TEX26: variants seen among roughly 807,000 people sequenced by gnomAD.
TEX26 encodes the protein testis-expressed protein 26.
TEX26 carries 34 observed loss-of-function variants against 35.3 expected under a neutral mutation model. That is an observed-to-expected ratio of 0.96 (90% confidence interval 0.73 to 1.28). The LOEUF is 1.28. TEX26 is among the 50% of genes most tolerant of loss of function. The probability of loss-of-function intolerance (pLI) is 0.00; values close to 1 mark genes in which losing one functional copy is unlikely to be tolerated. For synonymous variants in TEX26, 136 were observed against 111.8 expected (o/e 1.22, Z -1.36); for missense variants, 371 against 330.1 (o/e 1.12, Z -0.96).
intron 1 of TEX26, among the ~76,000 whole-genome samples, chr13:30,938,768 T>G (rs1953366850): frequency 6.6e-6 from 1 of 152,208 alleles, no homozygotes; most frequent in South Asian, 2.1e-4. Flanking sequence ...TTTTTTTGAC[T>G]TTCAGGATGC....
intron 2 of TEX26, among the ~76,000 whole-genome samples, chr13:30,941,520 G>T (rs920140690): frequency 6.6e-6 from 1 of 152,072 alleles, no homozygotes; most frequent in East Asian, 1.9e-4. Flanking sequence ...TAGCTTTTGC[G>T]GTACAGGTGG....
Position 30,932,744 on chromosome 13 carries a change from AT to A in TEX26, c.30del (p.Ser12LeufsTer22). 6.2e-7 allele frequency: 1 copy of A among 1,613,800 alleles called. No individual in the cohort carries two copies. Among genetic ancestry groups the A allele is most frequent in the Non-Finnish European group, 8.5e-7 (1 of 1,179,984 alleles). ...GAACAGCCTGGGCCCAGGGCTCCGGATCCCTCTCTCTGCCACCACAACCTCC... is the reference window on the plus strand; with the variant it reads ...GAACAGCCTGGGCCCAGGGCTCCGGACCCTCTCTCTGCCACCACAACCTCC... MEQPGPRAP[D>X]PSLCHHNLQP... On this transcript the variant is annotated frameshift_variant, in exon 1 of 7. Transcript: ENST00000380473. LOFTEE classifies it high-confidence loss of function.
chr13:30,949,559 A>G (rs572220546), intron 2 of TEX26, among the ~76,000 whole-genome samples: 1 of 152,218 alleles, frequency 6.6e-6, no homozygotes, highest in South Asian at 2.1e-4. Flanking sequence ...AAGACTATTA[A>G]AAGTAGACAA....
chr13:30,967,490 C>T (rs1954579685), intron 5 of TEX26, among the ~76,000 whole-genome samples: 1 of 152,180 alleles, frequency 6.6e-6, no homozygotes, highest in African/African-American at 2.4e-5. Flanking sequence ...CACTTCTTCC[C>T]ATGGATGTTA....
At chr13:30,939,384 C>G (rs1720660549) in intron 1 of TEX26, among the ~76,000 whole-genome samples, 1 of 152,172 alleles carries the variant, frequency 6.6e-6, no homozygotes, top group South Asian at 2.1e-4. Flanking sequence ...TAGTAGGTCT[C>G]TTAAAATGAT....
chr13:30,947,706 G>A (rs945225758), intron 2 of TEX26, among the ~76,000 whole-genome samples: 7 of 152,030 alleles, frequency 4.6e-5, no homozygotes, highest in South Asian at 2.1e-4. Context: ...TTGGAAAATC[G>A]AAACACTAAT....
intron 6 of TEX26, among the ~76,000 whole-genome samples, chr13:30,974,256 C>G (rs1340632945): frequency 6.6e-6 from 1 of 150,450 alleles, no homozygotes; most frequent in African/African-American, 2.5e-5. Flanking sequence ...AAGGGCCTTC[C>G]CAAGGTCAAA....
In TEX26 at chr13:30,966,241, T is replaced by G. The variant is rs1474914867; in HGVS notation, c.489T>G (p.Ser163Arg). The G allele has an allele frequency of 1.2e-6, 2 of 1,613,766 alleles. No individual in the cohort carries two copies. The highest frequency in any genetic ancestry group is 2.7e-5 in the African/African-American group (2 of 74,834). Residue 163 changes from serine (S) to arginine (R), a missense_variant, in exon 5 of 7, where the codon AGT becomes AGG. Physicochemically the swap from Ser to Arg is moderately radical, Grantham distance 110. Coordinates refer to ENST00000380473, the MANE Select transcript of TEX26 (RefSeq NM_152325.3). ...CCCCAGCTCAGAAGATTAAGAAAAG[T>G]TCTCACTTGTCTCTGGAATGGAAAA... ...DRSKAQKIKK[S>R]SHLSLEWKKL...
intron 4 of TEX26, among the ~76,000 whole-genome samples, chr13:30,959,264 C>T (rs201292841): frequency 2.1e-4 from 32 of 152,262 alleles, no homozygotes; most frequent in African/African-American, 6.7e-4. Context: ...TGACCTACCC[C>T]GCCCCATCCC....
At chr13:30,957,609 T>C (rs1593583446) in intron 4 of TEX26, among the ~76,000 whole-genome samples, 2 of 151,972 alleles carry the variant, frequency 1.3e-5, no homozygotes, top group South Asian at 4.2e-4. Context: ...AGGAAGAAGG[T>C]GGACAGGAGG....
At chr13:30,948,768 G>C (rs909672276) in intron 2 of TEX26, among the ~76,000 whole-genome samples, 3 of 152,030 alleles carry the variant, frequency 2.0e-5, no homozygotes, top group Admixed American at 6.6e-5. Flanking sequence ...GTCAATTTTG[G>C]CTTTTGTTGC....
At chr13:30,964,360 T>C (rs957299872) in intron 4 of TEX26, among the ~76,000 whole-genome samples, 1 of 152,216 alleles carries the variant, frequency 6.6e-6, no homozygotes, top group African/African-American at 2.4e-5. Context: ...CCAAATGTTA[T>C]GGTTGCAAGA....
chr13:30,935,952 T>C (rs149299070), intron 1 of TEX26, among the ~76,000 whole-genome samples: 82 of 152,372 alleles, frequency 5.4e-4, no homozygotes, highest in African/African-American at 1.9e-3. Context: ...CTCTGTCTTA[T>C]AAGCACACTT....
intron 2 of TEX26, among the ~76,000 whole-genome samples, chr13:30,951,993 A>C: frequency 1.9e-5 from 1 of 51,728 alleles, no homozygotes; most frequent in African/African-American, 9.1e-5. Context: ...CAGAATCATT[A>C]TTCTGGGATT....
intron 1 of TEX26, among the ~76,000 whole-genome samples, chr13:30,937,690 G>A (rs910948220): frequency 2.6e-5 from 4 of 152,238 alleles, no homozygotes; most frequent in South Asian, 2.1e-4. Flanking sequence ...CAGGATTAGA[G>A]AGCAGACACT....
chr13:30,934,780 C>G (rs1441995984), intron 1 of TEX26, among the ~76,000 whole-genome samples: 1 of 152,170 alleles, frequency 6.6e-6, no homozygotes, highest in Non-Finnish European at 1.5e-5. Context: ...AGACCCAGGC[C>G]TCCTGCTCTA....
At chr13:30,943,582 G>A (rs749116919) in intron 2 of TEX26, among the ~76,000 whole-genome samples, 11 of 151,946 alleles carry the variant, frequency 7.2e-5, no homozygotes, top group African/African-American at 1.2e-4. Flanking sequence ...CCCATTTGGT[G>A]TAATGAAAAC....
At chr13:30,954,321 T>C (rs865965038) in intron 3 of TEX26, among the ~76,000 whole-genome samples, 73 of 146,360 alleles carry the variant, frequency 5.0e-4, no homozygotes, top group African/African-American at 1.8e-3. Flanking sequence ...CACACACACA[T>C]ATATGTATGT....
In TEX26 at chr13:30,974,835, A is replaced by G; in HGVS notation, c.809-11A>G. On this transcript the variant is annotated splice_polypyrimidine_tract_variant and intron_variant, in intron 6 of 6. Coordinates refer to ENST00000380473, the MANE Select transcript of TEX26 (RefSeq NM_152325.3). ...GAAAATTTTCATCCTGTTTTTCTTC[A>G]TACTTTTCAGATAGACAAATTATTG... The G allele has an allele frequency of 6.4e-6, 10 of 1,552,806 alleles. No homozygotes were observed. Among genetic ancestry groups the G allele is most frequent in the Admixed American group, 2.2e-5 (1 of 46,106 alleles).
Sources: allele counts gnomAD v4.1 joint callset (sites outside exome capture counted in the v4.1 genomes callset), GRCh38; gene constraint gnomAD v4.1.1; transcripts MANE v1.5; gene names NCBI Gene and HGNC (gene_info 2026-07-23, HGNC 2026-07-21).